The following ULK4 variants were observed in gnomAD, a reference collection of about 807,000 sequenced individuals.
ULK4 encodes the protein inactive serine/threonine-protein kinase ULK4.
In ULK4, 133 loss-of-function variants were observed where a neutral mutation model predicts 160.6. The ratio of observed to expected loss-of-function variants is 0.83; its 90% CI spans 0.72 to 0.96. ULK4 has a LOEUF of 0.96. Among genes scored for constraint, ULK4 ranks in the 40% least tolerant of loss-of-function variants. ULK4 has a pLI of 0.00. For missense variants in ULK4, 1,580 were observed against 1,499.5 expected (o/e 1.05, Z -0.89); for synonymous variants, 534 against 539.8 (o/e 0.99, Z 0.15).
chr3:41,663,730 C>T (rs765760794), intron 29 of ULK4, 31 bp from the exon 30 acceptor site: 34 of 1,576,192 alleles, frequency 2.2e-5, no homozygotes, highest in Non-Finnish European at 2.7e-5. Flanking sequence ...AAAAAATACT[C>T]AGTAGGAAAA....
intron 17 of ULK4, among the ~76,000 whole-genome samples, chr3:41,870,712 T>C (rs1659198777): frequency 6.6e-6 from 1 of 151,800 alleles, no homozygotes. Context: ...TTCACACAAC[T>C]ACCACTGCAA....
intron 5 of ULK4, among the ~76,000 whole-genome samples, chr3:41,926,406 A>C (rs1331105841): frequency 1.3e-5 from 2 of 152,224 alleles, no homozygotes; most frequent in Non-Finnish European, 2.9e-5. Context: ...CAGCACAAAA[A>C]CGCTGAAAAT....
At chr3:41,827,093 G>C (rs937037682) in intron 18 of ULK4, among the ~76,000 whole-genome samples, 2 of 149,614 alleles carry the variant, frequency 1.3e-5, no homozygotes, top group African/African-American at 5.0e-5. Context: ...CAGAAATAAA[G>C]ATGTTCTTTG....
chr3:41,622,615 G>T (rs1393207822), intron 30 of ULK4, among the ~76,000 whole-genome samples: 1 of 152,034 alleles, frequency 6.6e-6, no homozygotes, highest in Non-Finnish European at 1.5e-5. Flanking sequence ...GGAGGGAAAG[G>T]GGAGGGAGAA....
intron 29 of ULK4, among the ~76,000 whole-genome samples, chr3:41,675,789 A>C (rs1213093655): frequency 2.0e-5 from 3 of 152,214 alleles, no homozygotes; most frequent in Non-Finnish European, 2.9e-5. Context: ...TGCAGACATC[A>C]GAGGCACAGA....
intron 29 of ULK4, among the ~76,000 whole-genome samples, chr3:41,671,350 G>A (rs1216781273): frequency 2.6e-5 from 4 of 152,038 alleles, no homozygotes; most frequent in Admixed American, 2.6e-4. Flanking sequence ...ATATTACAAA[G>A]TTATAGTAAC....
chr3:41,709,808 A>C (rs564510976), intron 25 of ULK4, among the ~76,000 whole-genome samples: 4 of 152,356 alleles, frequency 2.6e-5, no homozygotes, highest in East Asian at 3.9e-4. Flanking sequence ...GTTGAATAAG[A>C]AACTCAGAGA....
At chr3:41,722,400 G>T (rs908676439) in intron 22 of ULK4, among the ~76,000 whole-genome samples, 1 of 152,066 alleles carries the variant, frequency 6.6e-6, no homozygotes, top group African/African-American at 2.4e-5. Context: ...AGGCCATGGC[G>T]GGTGGATCAC....
intron 32 of ULK4, among the ~76,000 whole-genome samples, chr3:41,552,294 C>A (rs891750466): frequency 6.6e-6 from 1 of 151,816 alleles, no homozygotes; most frequent in Non-Finnish European, 1.5e-5. Context: ...TAAAAAGCAT[C>A]CAAACAGGAA....
At chr3:41,805,296 G>A (rs556007072) in intron 19 of ULK4, among the ~76,000 whole-genome samples, 6 of 152,186 alleles carry the variant, frequency 3.9e-5, no homozygotes, top group Admixed American at 1.3e-4. Flanking sequence ...TCTGTTATTG[G>A]TGTATAAGAA....
intron 32 of ULK4, among the ~76,000 whole-genome samples, chr3:41,499,053 T>C (rs2125914504): frequency 6.6e-6 from 1 of 152,250 alleles, no homozygotes; most frequent in Admixed American, 6.5e-5. Context: ...CTGTGGTAAG[T>C]GAAAAAAGGC....
chr3:41,897,880 T>C (rs1698220213), intron 14 of ULK4, among the ~76,000 whole-genome samples: 1 of 152,228 alleles, frequency 6.6e-6, no homozygotes, highest in Non-Finnish European at 1.5e-5. Context: ...TAAAATATAA[T>C]TTGTTAAACG....
chr3:41,271,482 C>T (rs1018829696), intron 35 of ULK4, among the ~76,000 whole-genome samples: 1 of 151,154 alleles, frequency 6.6e-6, no homozygotes, highest in Admixed American at 6.6e-5. Flanking sequence ...ACCTCTGCCT[C>T]CTGGGTTCAA....
intron 35 of ULK4, among the ~76,000 whole-genome samples, chr3:41,259,504 T>C (rs776860081): frequency 2.0e-5 from 3 of 152,164 alleles, no homozygotes; most frequent in African/African-American, 2.4e-5. Flanking sequence ...AAAGTGGCCA[T>C]TGAGGGACAA....
intron 35 of ULK4, among the ~76,000 whole-genome samples, chr3:41,378,807 A>G (rs2081578372): frequency 6.6e-6 from 1 of 151,758 alleles, no homozygotes. Context: ...ATAAAATAAT[A>G]AAAAATAAAA....
intron 32 of ULK4, among the ~76,000 whole-genome samples, chr3:41,497,064 T>TATAA (rs1553682828): frequency 1.3e-5 from 2 of 149,578 alleles, no homozygotes; most frequent in African/African-American, 2.4e-5. Context: ...AGATATTAAA[T>TATAA]AGAGACACTA....
intron 32 of ULK4, among the ~76,000 whole-genome samples, chr3:41,512,324 A>C (rs753826152): frequency 6.6e-5 from 10 of 152,328 alleles, no homozygotes; most frequent in Middle Eastern, 6.8e-3. Context: ...ATTGGCAAAG[A>C]TAAAGTCAAA....
chr3:41,550,781 T>C (rs963235894), intron 32 of ULK4, among the ~76,000 whole-genome samples: 4 of 152,078 alleles, frequency 2.6e-5, no homozygotes, highest in Admixed American at 2.0e-4. Flanking sequence ...TTAGATCATA[T>C]GGACCTAACA....
chr3:41,469,326 G>A (rs2083912478), intron 32 of ULK4, among the ~76,000 whole-genome samples: 1 of 152,016 alleles, frequency 6.6e-6, no homozygotes, highest in Non-Finnish European at 1.5e-5. Flanking sequence ...AGCCCCTCCT[G>A]CAACCCTGTT....
Sources: gnomAD v4.1 joint callset for allele counts (sites outside exome capture counted in the v4.1 genomes callset) on GRCh38, gnomAD v4.1.1 for gene constraint, MANE v1.5 for transcripts, NCBI Gene and HGNC (gene_info 2026-07-23, HGNC 2026-07-21) for gene names.